DOP1A: variants seen among roughly 807,000 people sequenced by gnomAD.
The protein encoded by DOP1A is protein DOP1A.
DOP1A carries 90 observed loss-of-function variants against 267.6 expected under a neutral mutation model. That is an observed-to-expected ratio of 0.34 (90% CI 0.28 to 0.40). The LOEUF is 0.40. Among genes scored for constraint, DOP1A ranks in the 10% least tolerant of loss-of-function variants. The probability of loss-of-function intolerance (pLI) is 1.00; values close to 1 mark genes in which losing one functional copy is unlikely to be tolerated. For missense variants in DOP1A, 2,437 were observed against 2,900.4 expected (o/e 0.84, Z 3.67); for synonymous variants, 932 against 999.1 (o/e 0.93, Z 1.27).
At chr6:83,126,775 A>G (rs1777228781) in intron 15 of DOP1A, among the ~76,000 whole-genome samples, 1 of 152,146 alleles carries the variant, frequency 6.6e-6, no homozygotes, top group African/African-American at 2.4e-5. Context: ...TGCTGCCTAG[A>G]CAGAGCCAAA....
At chr6:83,125,401 T>C (rs1241141662) in intron 14 of DOP1A, 99 bp from the exon 15 acceptor site, 1 of 1,151,958 alleles carries the variant, frequency 8.7e-7, no homozygotes, top group Non-Finnish European at 1.2e-6. Context: ...TATAAAACAT[T>C]ATGGATGAGT....
downstream of DOP1A, chr6:83,170,473 T>C (rs767085522): frequency 1.9e-6 from 3 of 1,613,740 alleles, no homozygotes; most frequent in Non-Finnish European, 2.5e-6. Flanking sequence ...CTCTCCTGTC[T>C]GCAACCTAAG....
At chr6:83,150,752 AAT>A (rs1781492892) in intron 27 of DOP1A, among the ~76,000 whole-genome samples, 2 of 152,228 alleles carry the variant, frequency 1.3e-5, no homozygotes, top group Admixed American at 1.3e-4. Context: ...AACTATTTTT[AAT>A]GTGTTATGGG....
At position 83,134,236 on chromosome 6, in the gene DOP1A, C is replaced by G. The variant is rs755312674; in HGVS notation, c.2819C>G (p.Thr940Arg). 6.2e-7 allele frequency: 1 copy of G among 1,612,904 alleles called. No homozygotes were observed. The highest frequency in any genetic ancestry group is 1.7e-5 in the Admixed American group (1 of 59,928). Residue 940 changes from threonine (T) to arginine (R), a missense_variant, in exon 19 of 39, where the codon ACG (threonine) becomes AGG (arginine). Thr to Arg is a moderately conservative substitution (Grantham distance 71, BLOSUM62 -1). Transcript: ENST00000349129. The part of the protein sequence containing the change: ...HAKFAVLWHL[T>R]RDLHINKSSS... Reference sequence around the variant, plus strand: ...AAGTTTGCAGTTCTTTGGCATCTAACGAGAGATCTCCATATAAATAAATCT... The same window carrying G: ...AAGTTTGCAGTTCTTTGGCATCTAAGGAGAGATCTCCATATAAATAAATCT...
intron 14 of DOP1A, 66 bp from the exon 15 acceptor site, chr6:83,125,434 G>A: frequency 7.0e-7 from 1 of 1,433,468 alleles, no homozygotes; most frequent in South Asian, 1.2e-5. Context: ...TATTTATATA[G>A]ATTAAAAAAT....
chr6:83,129,215 A>G lies in DOP1A; in HGVS notation c.2048A>G (p.Gln683Arg). 4 of 1,613,544 alleles carry G rather than the reference A, an allele frequency of 2.5e-6. No homozygotes were observed. The highest frequency in any genetic ancestry group is 3.4e-6 in the Non-Finnish European group (4 of 1,179,762). ...CAGTGCTGCTTGGAGTATGTCCAAC[A>G]GTTTCTTACCAGACTTATCAACCTC... Reference protein sequence around the residue: ...AMQCCLEYVQQFLTRLINLYI... With the variant: ...AMQCCLEYVQRFLTRLINLYI... The change falls in exon 16 of 39, where the codon CAG becomes CGG. Residue 683 changes from glutamine (Q) to arginine (R), a missense_variant. Gln to Arg is a conservative substitution (Grantham distance 43, BLOSUM62 1). This residue lies in a region of DOP1A where 498 missense variants were observed against 513.5 expected (regional missense o/e 0.97). Coordinates refer to ENST00000349129, the MANE Select transcript of DOP1A (RefSeq NM_015018.4).
At chr6:83,102,455 A>G (rs1244848222) in intron 4 of DOP1A, among the ~76,000 whole-genome samples, 1 of 152,232 alleles carries the variant, frequency 6.6e-6, no homozygotes, top group Non-Finnish European at 1.5e-5. Flanking sequence ...GGTGGTTAAT[A>G]GAATTGAAAG....
intron 24 of DOP1A, 21 bp from the exon 25 acceptor site, chr6:83,145,503 A>G (rs778896481): frequency 3.2e-6 from 5 of 1,561,678 alleles, no homozygotes; most frequent in African/African-American, 1.4e-5. Flanking sequence ...ACATACATAC[A>G]TACAATGATT....
chr6:83,140,206 C>T lies in DOP1A; in HGVS notation c.5233-15C>T, dbSNP rs1237105697. ...TCAGTAAGTAATATGTTTCTTTTCCCCCAACTGTTAATAGCTTTTGGTCAG... is the reference window on the plus strand; with the variant it reads ...TCAGTAAGTAATATGTTTCTTTTCCTCCAACTGTTAATAGCTTTTGGTCAG... On this transcript the variant is annotated splice_polypyrimidine_tract_variant and intron_variant, in intron 22 of 38. Transcript: ENST00000349129. 3 of 1,606,548 alleles carry T rather than the reference C, an allele frequency of 1.9e-6. No homozygotes were observed. The highest frequency in any genetic ancestry group is 8.5e-7 in the Non-Finnish European group (1 of 1,176,746).
intron 6 of DOP1A, among the ~76,000 whole-genome samples, chr6:83,111,979 T>C (rs1038592554): frequency 3.3e-5 from 5 of 152,290 alleles, no homozygotes; most frequent in African/African-American, 1.2e-4. Context: ...GATTTAGTCT[T>C]TTTTCTTCAA....
chr6:83,072,380 G>A (rs1326392920), intron 1 of DOP1A, among the ~76,000 whole-genome samples: 2 of 152,116 alleles, frequency 1.3e-5, no homozygotes, highest in African/African-American at 2.4e-5. Context: ...TACTCACCAA[G>A]AGGTCAGATT....
At chr6:83,152,913 C>T (rs1437838611) in intron 30 of DOP1A, among the ~76,000 whole-genome samples, 2 of 152,092 alleles carry the variant, frequency 1.3e-5, no homozygotes, top group African/African-American at 4.8e-5. Flanking sequence ...CCACCGCGCC[C>T]GGCCTGGGGA....
intron 35 of DOP1A, 152 bp from the exon 36 acceptor site, chr6:83,158,415 C>T (rs1783355889): frequency 1.5e-6 from 1 of 655,898 alleles, no homozygotes; most frequent in Non-Finnish European, 2.7e-6. Context: ...GCTAAATTTG[C>T]AGTTTTACCT....
chr6:83,144,864 T>C (rs138434195), intron 24 of DOP1A, among the ~76,000 whole-genome samples: 287 of 151,732 alleles, frequency 1.9e-3, no homozygotes, highest in African/African-American at 6.7e-3. Flanking sequence ...TGTTTTATTT[T>C]TTGAGGTGAT....
intron 18 of DOP1A, among the ~76,000 whole-genome samples, chr6:83,133,318 A>T (rs1020206227): frequency 3.9e-5 from 6 of 152,138 alleles, no homozygotes; most frequent in Admixed American, 1.3e-4. Flanking sequence ...AAATAAAGAT[A>T]CACATCCATG....
intron 24 of DOP1A, 54 bp from the exon 25 acceptor site, chr6:83,145,470 T>TC: frequency 7.2e-7 from 1 of 1,392,072 alleles, no homozygotes; most frequent in South Asian, 1.5e-5. Flanking sequence ...TTCTGTAACT[T>TC]CCCCTAAAAG....
At chr6:83,163,011 G>A (rs956636927) in intron 38 of DOP1A, 92 bp downstream of exon 38, 11 of 1,381,112 alleles carry the variant, frequency 8.0e-6, no homozygotes, top group African/African-American at 4.3e-5. Context: ...AACTGAGAAC[G>A]TTATCAAGTT....
chr6:83,142,571 A>G (rs1779835618), intron 24 of DOP1A, among the ~76,000 whole-genome samples: 1 of 152,120 alleles, frequency 6.6e-6, no homozygotes, highest in African/African-American at 2.4e-5. Flanking sequence ...AAGATATGTG[A>G]AAAAAGAGAA....
intron 1 of DOP1A, among the ~76,000 whole-genome samples, chr6:83,079,684 T>G (rs1767745694): frequency 6.6e-6 from 1 of 152,178 alleles, no homozygotes; most frequent in Non-Finnish European, 1.5e-5. Context: ...AATATGGGTT[T>G]AATTATGCTG....
Sources: gnomAD v4.1 joint callset for allele counts (sites outside exome capture counted in the v4.1 genomes callset) on GRCh38, gnomAD v4.1.1 for gene constraint, gnomAD v4.1.1 regional missense constraint, MANE v1.5 for transcripts, NCBI Gene and HGNC (gene_info 2026-07-23, HGNC 2026-07-21) for gene names.